SOS1: variants seen among roughly 807,000 people sequenced by gnomAD.
SOS1 encodes son of sevenless homolog 1.
Under a neutral mutation model 157.6 loss-of-function variants are expected in SOS1, and 25 were observed. That is an observed-to-expected ratio of 0.16 (90% CI 0.12 to 0.22). The LOEUF (loss-of-function observed/expected upper bound fraction) is 0.22. SOS1 is among the 10% of genes least tolerant of loss of function. SOS1 has a pLI of 1.00. For missense variants in SOS1, 1,237 were observed against 1,599.1 expected, an observed-to-expected ratio of 0.77 and a Z score of 3.86; for synonymous variants, 528 against 534.0, an observed-to-expected ratio of 0.99 and a Z score of 0.16.
chr2:39,112,178 C>CTTTTTTTTTTTTTTTTTTTTTTTTT (rs1673464430), intron 1 of SOS1, among the ~76,000 whole-genome samples: 3 of 152,256 alleles, frequency 2.0e-5, no homozygotes, highest in African/African-American at 7.2e-5. Context: ...ATATCCCTAT[C>CTTTTTTTTTTTTTTTTTTTTTTTTT]TTCTTAATCT....
At chr2:39,081,521 T>TA (rs1298715425) in intron 1 of SOS1, among the ~76,000 whole-genome samples, 68 of 148,382 alleles carry the variant, frequency 4.6e-4, no homozygotes, top group East Asian at 8.1e-4. Context: ...CTGTCCTCGG[T>TA]AAAAAAAAGA....
chr2:39,035,153 A>G, intron 8 of SOS1, 59 bp downstream of exon 8: 1 of 1,108,618 alleles, frequency 9.0e-7, no homozygotes, highest in Non-Finnish European at 1.4e-6. Context: ...CAAATGAAGT[A>G]GCAAAAAAAA....
At chr2:39,004,768 T>C (rs946043321) in intron 17 of SOS1, among the ~76,000 whole-genome samples, 16 of 150,732 alleles carry the variant, frequency 1.1e-4, no homozygotes, top group African/African-American at 3.2e-4. Flanking sequence ...CAAGAGGAAA[T>C]ACAAATATTA....
At chr2:39,059,418 G>A (rs1186455155) in intron 2 of SOS1, among the ~76,000 whole-genome samples, 1 of 152,062 alleles carries the variant, frequency 6.6e-6, no homozygotes, top group Non-Finnish European at 1.5e-5. Flanking sequence ...CACTGAGAGT[G>A]AAAGAACTCA....
intron 8 of SOS1, among the ~76,000 whole-genome samples, chr2:39,033,434 C>T (rs1212359780): frequency 6.6e-6 from 1 of 152,100 alleles, no homozygotes; most frequent in Non-Finnish European, 1.5e-5. Context: ...ATTGCCTACA[C>T]TTGAAGGAGT....
intron 14 of SOS1, among the ~76,000 whole-genome samples, chr2:39,011,074 T>G (rs1016688842): frequency 6.6e-6 from 1 of 152,028 alleles, no homozygotes; most frequent in South Asian, 2.1e-4. Context: ...TTTTTGTGTT[T>G]TTAGTAGAGA....
rs137852814 is a variant in SOS1, at chr2:39,022,774, T to A, written c.1654A>T (p.Arg552Trp). ...TGTAGCATTGTTACATCAAGCATCC[T>A]TTCCAGTGTACTCCGGTACTGTAAA... The part of the protein sequence containing the change: ...ISLQYRSTLE[R>W]MLDVTMLQEE... The change falls in exon 10 of 23, where the codon AGG becomes TGG. Residue 552 changes from arginine (R) to tryptophan (W), a missense_variant. Physicochemically the swap from Arg to Trp is moderately radical, Grantham distance 101. This residue lies in a region of SOS1 where 210 missense variants were observed against 220.2 expected (regional missense o/e 0.95). Transcript: ENST00000402219. 1 of 1,613,642 alleles carries A rather than the reference T, an allele frequency of 6.2e-7. No individual in the cohort carries two copies. The highest frequency in any genetic ancestry group is 1.7e-5 in the Admixed American group (1 of 59,982).
chr2:39,107,009 T>A (rs1389248210), intron 1 of SOS1, among the ~76,000 whole-genome samples: 1 of 152,228 alleles, frequency 6.6e-6, no homozygotes, highest in African/African-American at 2.4e-5. Flanking sequence ...GATTAGCTAC[T>A]GAAGTAAATT....
intron 8 of SOS1, among the ~76,000 whole-genome samples, chr2:39,032,908 T>C (rs557152112): frequency 3.2e-4 from 48 of 151,246 alleles, no homozygotes; most frequent in Admixed American, 2.4e-3. Flanking sequence ...GAGGTTGCAG[T>C]GAGCTGAGAT....
At chr2:39,028,364 T>G (rs1227468112) in intron 8 of SOS1, among the ~76,000 whole-genome samples, 3 of 152,196 alleles carry the variant, frequency 2.0e-5, no homozygotes, top group Non-Finnish European at 4.4e-5. Flanking sequence ...TTCAGGAGAC[T>G]AAAACTCAAG....
upstream of SOS1, chr2:39,124,195 A>C (rs1188300623): frequency 6.6e-6 from 1 of 152,362 alleles, no homozygotes; most frequent in Non-Finnish European, 1.5e-5. Context: ...ACCTATGTCC[A>C]TTCAGCAAGA....
chr2:39,041,546 T>C, intron 6 of SOS1, among the ~76,000 whole-genome samples: 1 of 152,352 alleles, frequency 6.6e-6, no homozygotes, highest in South Asian at 2.1e-4. Context: ...GTCCAAATTA[T>C]CTACTTTTTC....
intron 8 of SOS1, among the ~76,000 whole-genome samples, chr2:39,028,832 C>T (rs1670061724): frequency 6.6e-6 from 1 of 152,116 alleles, no homozygotes; most frequent in Non-Finnish European, 1.5e-5. Flanking sequence ...CACAACGTAA[C>T]AGAACACAAG....
rs1669585977 is a variant in SOS1 at position 39,014,988 on chromosome 2, T to TG, written c.1859-143_1859-142insC. The stretch of plus-strand genomic sequence containing the variant: ...GCCAAGTAGAAGGCTTTGGACTTGG[T>TG]AATGCACTGCTAGCTTAGTGCCTCC... On this transcript the variant is annotated intron_variant, in intron 10 of 22. Coordinates refer to ENST00000402219, the MANE Select transcript of SOS1 (RefSeq NM_005633.4). 3 of 621,284 alleles carry TG rather than the reference T, an allele frequency of 4.8e-6. No individual in the cohort carries two copies. In the Admixed American group the frequency reaches 8.1e-5, roughly 17 times the overall value. The allele number at this position is 621,284 out of a possible 1,614,324, so 38.5% of individuals were successfully genotyped here.
intron 1 of SOS1, among the ~76,000 whole-genome samples, chr2:39,116,912 T>C (rs1673671154): frequency 6.6e-6 from 1 of 152,036 alleles, no homozygotes; most frequent in Admixed American, 6.5e-5. Context: ...CAAGAAAAAA[T>C]TTAAATTCCT....
intron 1 of SOS1, among the ~76,000 whole-genome samples, chr2:39,076,286 G>C (rs1406370511): frequency 6.6e-6 from 1 of 152,084 alleles, no homozygotes; most frequent in South Asian, 2.1e-4. Flanking sequence ...TGTGGTCCCA[G>C]TTACTGGGGA....
At chr2:39,117,913 G>C (rs1673713944) in intron 1 of SOS1, among the ~76,000 whole-genome samples, 1 of 152,180 alleles carries the variant, frequency 6.6e-6, no homozygotes. Flanking sequence ...AAGAAAAACT[G>C]AAATGACAGG....
At chr2:39,003,069 A>AACAAAAAC (rs1553352656) in intron 17 of SOS1, among the ~76,000 whole-genome samples, 1 of 79,110 alleles carries the variant, frequency 1.3e-5, no homozygotes, top group Non-Finnish European at 3.6e-5. Context: ...CTTGTATCAA[A>AACAAAAAC]AAAAAAAAAG....
intron 10 of SOS1, among the ~76,000 whole-genome samples, chr2:39,020,570 T>C (rs1397976850): frequency 6.6e-6 from 1 of 151,718 alleles, no homozygotes; most frequent in East Asian, 1.9e-4. Flanking sequence ...TTGGGGAGGC[T>C]GAAGAAAGAT....
Sources: gnomAD v4.1 joint callset for allele counts (sites outside exome capture counted in the v4.1 genomes callset) on GRCh38, gnomAD v4.1.1 for gene constraint, gnomAD v4.1.1 regional missense constraint, MANE v1.5 for transcripts, NCBI Gene and HGNC (gene_info 2026-07-23, HGNC 2026-07-21) for gene names.